The following EPHA5 variants were observed in gnomAD, a reference collection of about 807,000 sequenced individuals.
The protein encoded by EPHA5 is EPH receptor A5.
EPHA5 carries 60 observed loss-of-function variants against 105.0 expected under a neutral mutation model. The observed-to-expected ratio is 0.57, with a 90% CI of 0.46 to 0.71. EPHA5 has a LOEUF of 0.71. Among genes scored for constraint, EPHA5 ranks in the 30% least tolerant of loss-of-function variants. EPHA5 has a pLI of 0.00. For synonymous variants in EPHA5, 513 were observed against 449.1 expected (o/e 1.14, Z -1.80); for missense variants, 1,218 against 1,274.7 (o/e 0.96, Z 0.68).
intron 3 of EPHA5, among the ~76,000 whole-genome samples, chr4:65,554,555 T>C (rs1738223512): frequency 6.6e-6 from 1 of 151,498 alleles, no homozygotes; most frequent in South Asian, 2.1e-4. Flanking sequence ...TAAATAATTA[T>C]AATAAATGTA....
At chr4:65,462,673 C>A (rs751461309) in intron 5 of EPHA5, among the ~76,000 whole-genome samples, 3 of 152,108 alleles carry the variant, frequency 2.0e-5, no homozygotes, top group Non-Finnish European at 4.4e-5. Context: ...TAGTGGTGGT[C>A]TCAACGTTCC....
intron 1 of EPHA5, among the ~76,000 whole-genome samples, chr4:65,651,893 TA>T (rs1411544827): frequency 6.6e-6 from 1 of 152,086 alleles, no homozygotes; most frequent in Admixed American, 6.6e-5. Context: ...TACAAAGTGT[TA>T]AGGCAGAGCT....
intron 1 of EPHA5, among the ~76,000 whole-genome samples, chr4:65,659,101 A>G (rs1179175103): frequency 6.6e-6 from 1 of 152,006 alleles, no homozygotes; most frequent in Non-Finnish European, 1.5e-5. Flanking sequence ...TTGTTATAAA[A>G]AGTAGTGCTG....
chr4:65,640,577 C>T (rs1578661899), intron 2 of EPHA5, among the ~76,000 whole-genome samples: 1 of 152,234 alleles, frequency 6.6e-6, no homozygotes, highest in South Asian at 2.1e-4. Context: ...TGAGCCACTG[C>T]GCCCGGCCAA....
At chr4:65,432,964 A>C (rs2149067395) in intron 5 of EPHA5, among the ~76,000 whole-genome samples, 2 of 152,230 alleles carry the variant, frequency 1.3e-5, no homozygotes, top group East Asian at 3.9e-4. Context: ...ATGATTCTAA[A>C]GGTACTTAAC....
At chr4:65,327,402 T>C (rs578218878) in intron 16 of EPHA5, among the ~76,000 whole-genome samples, 1 of 151,228 alleles carries the variant, frequency 6.6e-6, no homozygotes, top group Non-Finnish European at 1.5e-5. Flanking sequence ...CTTTTACTTC[T>C]CTCTTGCCTT....
At chr4:65,631,382 T>G (rs1418101509) in intron 2 of EPHA5, among the ~76,000 whole-genome samples, 1 of 152,172 alleles carries the variant, frequency 6.6e-6, no homozygotes, top group Non-Finnish European at 1.5e-5. Context: ...ATAAATTATC[T>G]ACATGCTTTA....
At chr4:65,479,355 A>T (rs1168279703) in intron 5 of EPHA5, among the ~76,000 whole-genome samples, 1 of 152,162 alleles carries the variant, frequency 6.6e-6, no homozygotes, top group African/African-American at 2.4e-5. Context: ...CCAGAGATTT[A>T]ACCCATACAC....
chr4:65,481,896 A>G (rs1364226380), intron 5 of EPHA5, among the ~76,000 whole-genome samples: 1 of 152,232 alleles, frequency 6.6e-6, no homozygotes, highest in Non-Finnish European at 1.5e-5. Context: ...GAACTGAAAA[A>G]CAGGCTAAGT....
Position 65,433,572 on chromosome 4 carries a change from C to A in EPHA5, c.1403-13007G>T, listed in dbSNP as rs199635041. ...TATAAATTTCCTATTGCTGCTACAA[C>A]AAATTACCAACAAAGTAGTGGTATA... On this transcript the variant is annotated intron_variant, in intron 5 of 16. Coordinates refer to ENST00000613740, the MANE Select transcript of EPHA5 (RefSeq NM_001281766.3). Among the ~76,000 whole-genome samples the A allele has an allele frequency of 3.7e-4, 56 of 152,254 alleles. No individual in the cohort carries two copies. The East Asian group carries it at 0.01, about 27-fold the overall frequency.
At chr4:65,590,866 G>A (rs947840411) in intron 3 of EPHA5, among the ~76,000 whole-genome samples, 1 of 152,092 alleles carries the variant, frequency 6.6e-6, no homozygotes, top group African/African-American at 2.4e-5. Flanking sequence ...CATTAATGCA[G>A]TATACAATTA....
chr4:65,522,073 C>T (rs1450711931), intron 3 of EPHA5, among the ~76,000 whole-genome samples: 2 of 151,418 alleles, frequency 1.3e-5, no homozygotes, highest in Admixed American at 6.6e-5. Context: ...GATCTTTAGC[C>T]GACAGAAAAA....
At chr4:65,634,597 TA>T (rs1270806427) in intron 2 of EPHA5, among the ~76,000 whole-genome samples, 28 of 152,060 alleles carry the variant, frequency 1.8e-4, no homozygotes, top group Non-Finnish European at 1.8e-4. Flanking sequence ...TTTATTTTTC[TA>T]AAAAATAATG....
chr4:65,589,836 G>A (rs1377638862), intron 3 of EPHA5, among the ~76,000 whole-genome samples: 1 of 152,148 alleles, frequency 6.6e-6, no homozygotes, highest in East Asian at 1.9e-4. Flanking sequence ...GTGGGAAAAT[G>A]AAGGCTAAGG....
At chr4:65,510,009 C>A (rs12503903) in intron 3 of EPHA5, among the ~76,000 whole-genome samples, 1 of 149,698 alleles carries the variant, frequency 6.7e-6, no homozygotes, top group South Asian at 2.1e-4. Context: ...CTATTCTATG[C>A]AATTTCAGAT....
rs188483957 is a variant in EPHA5, at chr4:65,619,985, A to G, written c.247-17681T>C. ...CTATGCTCAATTTGAATGACCCAGA[A>G]CAGAGTTTTAAACACTAGTTTAATC... On this transcript the variant is annotated intron_variant, in intron 2 of 16. Transcript: ENST00000613740. 6.0e-5 allele frequency among the ~76,000 whole-genome samples: 9 copies of G among 150,890 alleles called. No homozygotes were observed. The East Asian group carries it at 1.8e-3, about 29-fold the overall frequency.
At chr4:65,633,568 T>C (rs780629193) in intron 2 of EPHA5, among the ~76,000 whole-genome samples, 9 of 152,148 alleles carry the variant, frequency 5.9e-5, no homozygotes, top group Middle Eastern at 3.4e-3. Context: ...GATTTTTTTT[T>C]CAAAAGAAAA....
intron 5 of EPHA5, among the ~76,000 whole-genome samples, chr4:65,426,520 T>C (rs920549065): frequency 6.6e-6 from 1 of 152,210 alleles, no homozygotes; most frequent in Non-Finnish European, 1.5e-5. Context: ...TACAGGAATA[T>C]AGCTTCCATG....
rs566369685 is a variant in EPHA5, at chr4:65,372,621, C to T, written c.1794-5197G>A. Among the ~76,000 whole-genome samples, 13 of 151,888 alleles carry T rather than the reference C, an allele frequency of 8.6e-5. No homozygotes were observed. The East Asian group carries it at 2.1e-3, about 25-fold the overall frequency. Reference sequence around the variant, plus strand: ...AGAGGAATTTAGTTATTTAGAAAAACGTACTTCATTGAATATGGGAATGAT... The same window carrying T: ...AGAGGAATTTAGTTATTTAGAAAAATGTACTTCATTGAATATGGGAATGAT... On this transcript the variant is annotated intron_variant, in intron 8 of 16. Coordinates refer to ENST00000613740, the MANE Select transcript of EPHA5 (RefSeq NM_001281766.3).
Sources: gnomAD v4.1 joint callset for allele counts (sites outside exome capture counted in the v4.1 genomes callset) on GRCh38, gnomAD v4.1.1 for gene constraint, MANE v1.5 for transcripts, NCBI Gene and HGNC (gene_info 2026-07-23, HGNC 2026-07-21) for gene names.